The following ELN variants were observed in gnomAD, a reference collection of about 807,000 sequenced individuals.
ELN encodes tropoelastin.
In ELN, 65 loss-of-function variants were observed where a neutral mutation model predicts 105.8. The observed-to-expected ratio is 0.61, with a 90% CI of 0.50 to 0.75. ELN has a LOEUF of 0.75. Ranked by LOEUF, ELN falls within the 30% of genes least tolerant of loss-of-function variation. ELN has a pLI of 0.00. For missense variants in ELN, 882 were observed against 969.4 expected (o/e 0.91, Z 1.20); for synonymous variants, 368 against 389.2 (o/e 0.95, Z 0.64).
At chr7:74,048,646 C>G in intron 15 of ELN, 90 bp downstream of exon 15, 6 of 1,482,872 alleles carry the variant, frequency 4.0e-6, no homozygotes, top group Middle Eastern at 2.1e-4. Flanking sequence ...CCAAAGTGGC[C>G]CCTACATACC....
chr7:74,039,330 C>T (rs1790652673), intron 4 of ELN, among the ~76,000 whole-genome samples: 1 of 152,168 alleles, frequency 6.6e-6, no homozygotes, highest in South Asian at 2.1e-4. Flanking sequence ...ATAAAAAGGG[C>T]AGTGTTTCCA....
rs2132674802 is a variant in ELN at position 74,066,120 on chromosome 7, T to C, written c.2086+123T>C. On this transcript the variant is annotated intron_variant, in intron 31 of 32. Coordinates refer to ENST00000252034, the MANE Select transcript of ELN (RefSeq NM_000501.4). ...CACAAGGACAGGAGACTGGGGCTGG[T>C]GAGGGCACTTTAGGATTGCAGATGT... 2.1e-6 allele frequency: 3 copies of C among 1,406,992 alleles called. No individual in the cohort carries two copies. In the South Asian group the frequency reaches 3.6e-5, roughly 17 times the overall value. 87.2% of individuals were successfully genotyped at this position (1,406,992 alleles called of 1,614,324 possible). A position where few individuals can be genotyped will look rare whatever the true frequency, so the allele number is the denominator to read the frequency against.
At chr7:74,038,844 C>T (rs958159170) in intron 4 of ELN, among the ~76,000 whole-genome samples, 3 of 152,260 alleles carry the variant, frequency 2.0e-5, no homozygotes, top group African/African-American at 4.8e-5. Context: ...GGTTGTGAAA[C>T]ACCAGGGCTG....
intron 7 of ELN, 39 bp from the exon 8 acceptor site, chr7:74,043,079 T>G (rs1427956831): frequency 1.2e-6 from 2 of 1,614,152 alleles, no homozygotes; most frequent in East Asian, 2.2e-5. Flanking sequence ...GTTGCAGGCC[T>G]GGGTGGAGCC....
At chr7:74,054,437 T>G (rs1794818103) in intron 18 of ELN, among the ~76,000 whole-genome samples, 4 of 147,534 alleles carry the variant, frequency 2.7e-5, no homozygotes, top group African/African-American at 1.0e-4. Flanking sequence ...GCTATTGCAC[T>G]CCAGCCTGGG....
intron 22 of ELN, 61 bp from the exon 23 acceptor site, chr7:74,059,825 A>G (rs781808000): frequency 2.3e-6 from 2 of 875,068 alleles, no homozygotes; most frequent in Non-Finnish European, 4.0e-6. Context: ...CCCTCTTTCC[A>G]TAAGCTTCTG....
At chr7:74,054,469 T>TAA (rs1554678306) in intron 18 of ELN, among the ~76,000 whole-genome samples, 1 of 133,728 alleles carries the variant, frequency 7.5e-6, no homozygotes, top group African/African-American at 2.7e-5. Context: ...AGACTCCATC[T>TAA]CAAAAAAAAA....
chr7:74,039,944 G>C (rs1040543419), intron 4 of ELN, among the ~76,000 whole-genome samples: 1 of 152,350 alleles, frequency 6.6e-6, no homozygotes, highest in African/African-American at 2.4e-5. Context: ...GAGCTGGCCA[G>C]GTCCCTGGAC....
At chr7:74,049,504 C>A (rs1287482974) in intron 15 of ELN, among the ~76,000 whole-genome samples, 1 of 150,142 alleles carries the variant, frequency 6.7e-6, no homozygotes, top group Non-Finnish European at 1.5e-5. Context: ...CCCCCATATA[C>A]CCATTCATCC....
rs781812932 is a variant in ELN, at chr7:74,048,566, C to T, written c.799+10C>T. On this transcript the variant is annotated intron_variant, in intron 15 of 32. Coordinates refer to ENST00000252034, the MANE Select transcript of ELN (RefSeq NM_000501.4). ...GCAGCAGCAAAGTTCGGTGAGTGCC[C>T]CTGGAGTCCCCACCTGGTGGCCTCC... The T allele has an allele frequency of 1.1e-5, 18 of 1,613,574 alleles. No homozygotes were observed. The highest frequency in any genetic ancestry group is 8.3e-5 in the Admixed American group (5 of 59,988).
rs369160311 is a variant in ELN at position 74,041,283 on chromosome 7, T to C, written c.232+32T>C. 1.9e-6 allele frequency: 3 copies of C among 1,613,396 alleles called. No homozygotes were observed. In the African/African-American group the frequency reaches 4.0e-5, roughly 22 times the overall value. ...GCTGACACCCAAGAAAGATATCCCC[T>C]GTGGGGACCAGCCCCTGAGCTCAAC... On this transcript the variant is annotated intron_variant, in intron 5 of 32. Coordinates refer to ENST00000252034, the MANE Select transcript of ELN (RefSeq NM_000501.4).
At position 74,059,896 on chromosome 7, in the gene ELN, TGGTGTC is replaced by T; in HGVS notation, c.1428_1433del (p.Gly478_Val479del). On this transcript the variant is annotated inframe_deletion, in exon 23 of 33. Transcript: ENST00000252034. ...TTCTCAATCTTGCAGGGTTAGTTCC[TGGTGTC>T]GGCGTGGCTCCTGGAGTTGGCGTGG... is the stretch of plus-strand genomic sequence containing the variant. The T allele has an allele frequency of 7.5e-7, 1 of 1,330,210 alleles. No homozygotes were observed. Among genetic ancestry groups the T allele is most frequent in the South Asian group, 1.2e-5 (1 of 85,526 alleles). The allele number at this position is 1,330,210 out of a possible 1,614,324, so 82.4% of individuals were successfully genotyped here.
At chr7:74,041,531 G>C (rs1279423848) in intron 5 of ELN, among the ~76,000 whole-genome samples, 1 of 152,184 alleles carries the variant, frequency 6.6e-6, no homozygotes, top group Non-Finnish European at 1.5e-5. Flanking sequence ...AACTCAGCAG[G>C]GGTTCAGGAA....
At position 74,048,153 on chromosome 7, in the gene ELN, G is replaced by A. The variant is rs782309156; in HGVS notation, c.697G>A (p.Gly233Arg). Residue 233 changes from glycine (G) to arginine (R), a missense_variant, in exon 14 of 33, where the codon GGA becomes AGA. Gly to Arg is a moderately radical substitution (Grantham distance 125). Transcript: ENST00000252034. The part of the protein sequence containing the change: ...TGKLPYGYGP[G>R]GVAGAAGKAG... Reference sequence around the variant, plus strand: ...TCTCTGTTTTGCAGGCTATGGGCCCGGAGGAGTGGCTGGTGCAGCGGGCAA... The same window carrying A: ...TCTCTGTTTTGCAGGCTATGGGCCCAGAGGAGTGGCTGGTGCAGCGGGCAA... The A allele has an allele frequency of 3.1e-6, 5 of 1,613,958 alleles. No homozygotes were observed. In the South Asian group the frequency reaches 3.3e-5, roughly 11 times the overall value.
At position 74,048,138 on chromosome 7, in the gene ELN, G is replaced by T. The variant is rs1554673599; in HGVS notation, c.686-4G>T. 6.2e-7 allele frequency: 1 copy of T among 1,614,076 alleles called. No homozygotes were observed. Among genetic ancestry groups the T allele is most frequent in the South Asian group, 1.1e-5 (1 of 91,082 alleles). On this transcript the variant is annotated splice_polypyrimidine_tract_variant and splice_region_variant and intron_variant, in intron 13 of 32. Coordinates refer to ENST00000252034, the MANE Select transcript of ELN (RefSeq NM_000501.4). Reference sequence around the variant, plus strand: ...GATGACCATCAAGCCTCTCTGTTTTGCAGGCTATGGGCCCGGAGGAGTGGC... The same window carrying T: ...GATGACCATCAAGCCTCTCTGTTTTTCAGGCTATGGGCCCGGAGGAGTGGC...
intron 18 of ELN, 132 bp from the exon 19 acceptor site, chr7:74,054,584 G>T (rs1554678367): frequency 2.2e-6 from 2 of 898,340 alleles, no homozygotes; most frequent in East Asian, 2.5e-5. Flanking sequence ...GTGCATAAAT[G>T]GATGTGTAGC....
chr7:74,053,690 AGATGGGTGGGTGGATGGATGGATGGGTG>A (rs1397863796), intron 18 of ELN, among the ~76,000 whole-genome samples: 92 of 139,408 alleles, frequency 6.6e-4, no homozygotes, highest in African/African-American at 2.0e-3. Flanking sequence ...ATGGATGGAT[AGATGGGTGGGTGGATGGATGGATGGGTG>A]GATGGGTGGG....
intron 12 of ELN, 28 bp from the exon 13 acceptor site, chr7:74,047,647 C>A: frequency 1.2e-6 from 2 of 1,614,092 alleles, no homozygotes; most frequent in Non-Finnish European, 1.7e-6. Context: ...ATGGGGCAGC[C>A]CCTGAGTTTG....
At position 74,066,460 on chromosome 7, in the gene ELN, G is replaced by A. The variant is rs376428133; in HGVS notation, c.2087-272G>A. 7.2e-5 allele frequency among the ~76,000 whole-genome samples: 11 copies of A among 152,188 alleles called. No individual in the cohort carries two copies. In the East Asian group the frequency reaches 9.7e-4, roughly 13 times the overall value. On this transcript the variant is annotated intron_variant, in intron 31 of 32. Transcript: ENST00000252034. ...TGGACGCCTGTAATCCCAGCTACTC[G>A]GGAGGCTGAGGCGGGAGAATCACTG...
Sources: allele counts gnomAD v4.1 joint callset (sites outside exome capture counted in the v4.1 genomes callset), GRCh38; gene constraint gnomAD v4.1.1; transcripts MANE v1.5; gene names NCBI Gene and HGNC (gene_info 2026-07-23, HGNC 2026-07-21).